Variants in SLC26A7 observed in about 807,000 individuals in gnomAD.
The protein encoded by SLC26A7 is anion exchange transporter.
In SLC26A7, 59 loss-of-function variants were observed where a neutral mutation model predicts 82.5. That is an observed-to-expected ratio of 0.72 (90% CI 0.58 to 0.89). The LOEUF (loss-of-function observed/expected upper bound fraction) is 0.89, where lower values mean the gene tolerates loss of function less well. Among genes scored for constraint, SLC26A7 ranks in the 40% least tolerant of loss-of-function variants. The pLI is 0.00. For missense variants in SLC26A7, 820 were observed against 793.0 expected (o/e 1.03, Z -0.41); for synonymous variants, 271 against 274.3 (o/e 0.99, Z 0.12).
chr8:91,373,911 T>C (rs1327303471), intron 15 of SLC26A7, among the ~76,000 whole-genome samples: 3 of 152,022 alleles, frequency 2.0e-5, no homozygotes, highest in Non-Finnish European at 4.4e-5. Flanking sequence ...TAATTCTTTA[T>C]TGGTCTGATT....
intron 3 of SLC26A7, among the ~76,000 whole-genome samples, chr8:91,293,178 A>G (rs1010165260): frequency 2.0e-5 from 3 of 152,200 alleles, no homozygotes; most frequent in African/African-American, 7.2e-5. Context: ...TAGAGCTGGG[A>G]TTCGAACTTG....
rs1255128003 is a variant in SLC26A7, at chr8:91,369,809, T to A, written c.1651T>A (p.Ser551Thr). ...SKCEQNTLLN[S>T]LSNGNCNEEA... ...GTGTGAACAAAACACATTGCTTAATTCCCTATCCAATGGCAACTGCAATGG... is the reference window on the plus strand; with the variant it reads ...GTGTGAACAAAACACATTGCTTAATACCCTATCCAATGGCAACTGCAATGG... The change falls in exon 15 of 19, where the codon TCC becomes ACC. Residue 551 changes from serine to threonine, a missense_variant. Physicochemically the swap from Ser to Thr is moderately conservative, Grantham distance 58. Coordinates refer to ENST00000276609, the MANE Select transcript of SLC26A7 (RefSeq NM_052832.4). 1.9e-6 allele frequency: 3 copies of A among 1,602,492 alleles called. No individual in the cohort carries two copies. Among genetic ancestry groups the A allele is most frequent in the African/African-American group, 1.3e-5 (1 of 74,082 alleles).
chr8:91,309,232 A>T (rs1337769735), intron 4 of SLC26A7, among the ~76,000 whole-genome samples: 1 of 151,626 alleles, frequency 6.6e-6, no homozygotes, highest in African/African-American at 2.4e-5. Context: ...TGAGATCATA[A>T]TAAAATATAC....
At chr8:91,235,384 A>C (rs574212576) in intron 2 of SLC26A7, among the ~76,000 whole-genome samples, 1 of 152,342 alleles carries the variant, frequency 6.6e-6, no homozygotes, top group African/African-American at 2.4e-5. Context: ...TTTAGGACTG[A>C]CTTTAAAGAA....
chr8:91,289,598 T>C (rs1811807737), intron 3 of SLC26A7, among the ~76,000 whole-genome samples: 1 of 151,630 alleles, frequency 6.6e-6, no homozygotes, highest in Non-Finnish European at 1.5e-5. Context: ...TGAGCTGAAA[T>C]TGCGCCACTG....
intron 11 of SLC26A7, among the ~76,000 whole-genome samples, chr8:91,354,372 CA>C (rs1813804382): frequency 6.6e-6 from 1 of 152,022 alleles, no homozygotes; most frequent in African/African-American, 2.4e-5. Flanking sequence ...TGAGTGTGAA[CA>C]TGTCTGTCTC....
In SLC26A7 at chr8:91,318,329, T is replaced by A; in HGVS notation, c.591T>A (p.Tyr197Ter). The A allele has an allele frequency of 6.2e-7, 1 of 1,612,280 alleles. No homozygotes were observed. Among genetic ancestry groups the A allele is most frequent in the Non-Finnish European group, 8.5e-7 (1 of 1,179,080 alleles). Residue 197 changes from tyrosine (Y) to a stop codon, truncating the protein, a stop_gained, in exon 5 of 19, where the codon TAT becomes TAA. Transcript: ENST00000276609. LOFTEE classifies it high-confidence loss of function. ...ATGTGGTGACTTCACAAGTCAAATA[T>A]CTCTTGGGAATGAAAATGCCATATA... ...ATHVVTSQVKYLLGMKMPYIS... is the reference protein window; with the variant it reads ...ATHVVTSQVK
chr8:91,322,218 G>A (rs1261256441), intron 5 of SLC26A7, among the ~76,000 whole-genome samples: 2 of 151,940 alleles, frequency 1.3e-5, no homozygotes, highest in East Asian at 3.9e-4. Context: ...CTGTTAATGG[G>A]GGTTGATCAT....
At chr8:91,291,777 C>T (rs911654051) in intron 3 of SLC26A7, among the ~76,000 whole-genome samples, 11 of 152,178 alleles carry the variant, frequency 7.2e-5, no homozygotes, top group African/African-American at 2.7e-4. Flanking sequence ...ATCTTATAGT[C>T]TACTTGATAA....
intron 2 of SLC26A7, among the ~76,000 whole-genome samples, chr8:91,254,239 C>T (rs914674699): frequency 7.2e-5 from 11 of 152,232 alleles, no homozygotes; most frequent in African/African-American, 2.6e-4. Context: ...GCAGGGCCCA[C>T]ATCTCCATGC....
rs1459713090 is a variant in SLC26A7 at position 91,273,576 on chromosome 8, G to GA, written c.194-15554dup. On this transcript the variant is annotated intron_variant, in intron 2 of 18. Coordinates refer to ENST00000276609, the MANE Select transcript of SLC26A7 (RefSeq NM_052832.4). ...TATGAGACATACAGTTCTCAGGACA[G>GA]AAAAAATTAATGATTAGAAACTCAA... Among the ~76,000 whole-genome samples the GA allele has an allele frequency of 7.2e-5, 11 of 152,178 alleles. No individual in the cohort carries two copies. The East Asian group carries it at 2.1e-3, about 29-fold the overall frequency.
chr8:91,317,184 GAA>G (rs1812660962), intron 4 of SLC26A7, among the ~76,000 whole-genome samples: 1 of 151,524 alleles, frequency 6.6e-6, no homozygotes, highest in African/African-American at 2.4e-5. Context: ...GGAAAAAAGA[GAA>G]GAGTTTTGCT....
At chr8:91,333,302 A>T (rs764775646) in intron 5 of SLC26A7, among the ~76,000 whole-genome samples, 11 of 152,114 alleles carry the variant, frequency 7.2e-5, no homozygotes, top group Non-Finnish European at 1.5e-4. Context: ...ACCAAGATTG[A>T]GTGTTTGATA....
chr8:91,253,887 A>T (rs576938185), intron 2 of SLC26A7, among the ~76,000 whole-genome samples: 1 of 152,276 alleles, frequency 6.6e-6, no homozygotes, highest in East Asian at 1.9e-4. Context: ...TGTTGGAAGA[A>T]TTAAAACATT....
chr8:91,307,712 G>C (rs1185271136), intron 4 of SLC26A7, among the ~76,000 whole-genome samples: 1 of 142,422 alleles, frequency 7.0e-6, no homozygotes, highest in Non-Finnish European at 1.5e-5. Flanking sequence ...TGACGAGTTA[G>C]TGGGTGCAGC....
At chr8:91,294,090 G>T (rs901107540) in intron 3 of SLC26A7, among the ~76,000 whole-genome samples, 3 of 152,188 alleles carry the variant, frequency 2.0e-5, no homozygotes, top group Non-Finnish European at 4.4e-5. Context: ...CTAAAAGAAT[G>T]TTATTCAATC....
chr8:91,388,372 G>A (rs992134970), intron 15 of SLC26A7, among the ~76,000 whole-genome samples: 3 of 152,028 alleles, frequency 2.0e-5, no homozygotes, highest in African/African-American at 7.2e-5. Flanking sequence ...TCAGCCTCCC[G>A]AGCGGGATTT....
Position 91,363,503 on chromosome 8 carries a change from G to A in SLC26A7, c.1453G>A (p.Glu485Lys), listed in dbSNP as rs1814106420. The change falls in exon 13 of 19, where the codon GAA (glutamate) becomes AAA (lysine). Residue 485 changes from glutamate to lysine, a missense_variant. Glu to Lys is a moderately conservative substitution (Grantham distance 56). Coordinates refer to ENST00000276609, the MANE Select transcript of SLC26A7 (RefSeq NM_052832.4). ...AMTVSIKNMKEMEFKVKTEMD... is the reference protein window; with the variant it reads ...AMTVSIKNMKKMEFKVKTEMD... The stretch of plus-strand genomic sequence containing the variant: ...GACTGTAAGTATAAAAAATATGAAA[G>A]AAATGGAATTTAAAGTGAAGACAGA... 1 of 1,510,046 alleles carries A rather than the reference G, an allele frequency of 6.6e-7. No homozygotes were observed. Among genetic ancestry groups the A allele is most frequent in the Non-Finnish European group, 9.1e-7 (1 of 1,102,806 alleles). The allele number at this position is 1,510,046 out of a possible 1,614,324, so 93.5% of individuals were successfully genotyped here. A position where few individuals can be genotyped will look rare whatever the true frequency, so the allele number is the denominator to read the frequency against.
chr8:91,315,576 T>G lies in SLC26A7; in HGVS notation c.478-2640T>G, dbSNP rs139383304. On this transcript the variant is annotated intron_variant, in intron 4 of 18. Transcript: ENST00000276609. ...CTAAAAAAATGTTAGTAGCAGAAGC[T>G]GCTGCTTTGGCGTCCTGAGTTTACT... 7.0e-4 allele frequency among the ~76,000 whole-genome samples: 106 copies of G among 152,336 alleles called. 1 individual carries two copies. Among genetic ancestry groups the G allele is most frequent in the African/African-American group, 2.3e-3 (94 of 41,582 alleles).
Sources: allele counts gnomAD v4.1 joint callset (sites outside exome capture counted in the v4.1 genomes callset), GRCh38; gene constraint gnomAD v4.1.1; transcripts MANE v1.5; gene names NCBI Gene and HGNC (gene_info 2026-07-23, HGNC 2026-07-21).